CCDC30: variants seen among roughly 807,000 people sequenced by gnomAD.
The protein encoded by CCDC30 is coiled-coil domain containing 30, also known as coiled-coil domain-containing protein 30.
CCDC30 carries 70 observed loss-of-function variants against 100.2 expected under a neutral mutation model. The ratio of observed to expected loss-of-function variants is 0.70; its 90% CI spans 0.58 to 0.85. The LOEUF (loss-of-function observed/expected upper bound fraction) is 0.85. Among genes scored for constraint, CCDC30 ranks in the 40% least tolerant of loss-of-function variants. CCDC30 has a pLI of 0.00. For missense variants in CCDC30, 652 were observed against 771.2 expected, an observed-to-expected ratio of 0.85 and a Z score of 1.83; for synonymous variants, 233 against 269.5, an observed-to-expected ratio of 0.86 and a Z score of 1.33.
Position 42,480,485 on chromosome 1 carries a change from A to G in CCDC30, c.-67A>G, listed in dbSNP as rs1643940125. The G allele has an allele frequency of 4.3e-6, 1 of 230,990 alleles. No homozygotes were observed. Among genetic ancestry groups the G allele is most frequent in the Non-Finnish European group, 7.1e-6 (1 of 140,016 alleles). 14.3% of individuals were successfully genotyped at this position (230,990 alleles called of 1,614,324 possible). On this transcript the variant is annotated 5_prime_UTR_variant, in exon 2 of 17. An upstream start codon of the reference 5' UTR is lost. Coordinates refer to ENST00000668663, the Ensembl canonical transcript of CCDC30. ...GGTTGGAGTGCTGGAGTGCAGTAGC[A>G]TGATCTCCGTTCACTGCAGCCTCAA...
intron 7 of CCDC30, among the ~76,000 whole-genome samples, chr1:42,576,654 T>A (rs1006013235): frequency 6.6e-5 from 10 of 152,198 alleles, no homozygotes; most frequent in Admixed American, 3.9e-4. Flanking sequence ...AAGTTTGGTG[T>A]CACAGAATGC....
At chr1:42,460,971 C>G (rs866834525), upstream of CCDC30, among the ~76,000 whole-genome samples, 1 of 152,202 alleles carries the variant, frequency 6.6e-6, no homozygotes, top group Non-Finnish European at 1.5e-5. Flanking sequence ...GAAAAACTTT[C>G]AATACTTCTC....
chr1:42,458,874 A>T (rs1643319472), upstream of CCDC30, among the ~76,000 whole-genome samples: 2 of 152,276 alleles, frequency 1.3e-5, no homozygotes, highest in South Asian at 4.1e-4. Context: ...CAATTTAAAA[A>T]TGGAATCTAA....
Position 42,545,948 on chromosome 1 carries a change from T to TTAA in CCDC30, c.457-20328_457-20326dup, listed in dbSNP as rs56842129. Among the ~76,000 whole-genome samples, 834 of 148,554 alleles carry TTAA rather than the reference T, an allele frequency of 5.6e-3. 8 individuals are homozygous for TTAA. Among genetic ancestry groups the TTAA allele is most frequent in the African/African-American group, 0.016 (664 of 40,530 alleles). On this transcript the variant is annotated intron_variant, in intron 6 of 16. Coordinates refer to ENST00000668663, the Ensembl canonical transcript of CCDC30. The stretch of plus-strand genomic sequence containing the variant: ...AACAGAGCTAGACCCTGTTTCAAAA[T>TTAA]TAATAATAATAATAATAATAATTTA...
chr1:42,617,254 C>T (rs368034621), intron 11 of CCDC30, among the ~76,000 whole-genome samples: 35 of 151,986 alleles, frequency 2.3e-4, no homozygotes, highest in Admixed American at 8.5e-4. Flanking sequence ...GCCTAGGGAA[C>T]GAAGTGAGAT....
chr1:42,567,983 C>T (rs763415861), intron 7 of CCDC30, among the ~76,000 whole-genome samples: 10 of 151,928 alleles, frequency 6.6e-5, no homozygotes, highest in South Asian at 4.2e-4. Flanking sequence ...CTATTTTAAT[C>T]TCCATGGTGA....
intron 6 of CCDC30, among the ~76,000 whole-genome samples, chr1:42,564,962 T>C (rs1248116684): frequency 6.6e-6 from 1 of 152,178 alleles, no homozygotes; most frequent in East Asian, 1.9e-4. Context: ...CCTGGCTTAT[T>C]TCACTTAGCA....
At chr1:42,500,413 T>A (rs1644292851) in intron 6 of CCDC30, 1 of 934,156 alleles carries the variant, frequency 1.1e-6, no homozygotes, top group African/African-American at 1.7e-5. Context: ...CACCACCGAG[T>A]TCTCTCTTTT....
the CCDC30 span, chr1:42,457,170 G>A: frequency 6.2e-7 from 1 of 1,603,020 alleles, no homozygotes; most frequent in South Asian, 1.1e-5. Context: ...ATCTCAGCTG[G>A]GGAACCCGAG....
At chr1:42,536,200 T>A (rs1569952645) in intron 6 of CCDC30, among the ~76,000 whole-genome samples, 1 of 152,178 alleles carries the variant, frequency 6.6e-6, no homozygotes, top group East Asian at 1.9e-4. Context: ...GCCTTATATT[T>A]GATAAGTGAT....
intron 1 of CCDC30, chr1:42,473,490 T>A (rs376553411): frequency 5.1e-6 from 2 of 388,674 alleles, no homozygotes; most frequent in African/African-American, 2.1e-5. Flanking sequence ...TAAGACTCCA[T>A]GTATAGGATG....
the CCDC30 span, chr1:42,456,526 G>A: frequency 7.0e-6 from 10 of 1,437,430 alleles, no homozygotes; most frequent in African/African-American, 1.2e-4. Context: ...GTGGCGCGGC[G>A]GCCGCGAAAC....
chr1:42,477,330 A>G (rs1424229119), intron 1 of CCDC30, among the ~76,000 whole-genome samples: 1 of 152,038 alleles, frequency 6.6e-6, no homozygotes, highest in African/African-American at 2.4e-5. Flanking sequence ...CCCGGCTTCA[A>G]GGGATTCTCC....
chr1:42,655,751 A>G (rs914244147), downstream of CCDC30, among the ~76,000 whole-genome samples: 11 of 152,116 alleles, frequency 7.2e-5, no homozygotes, highest in Non-Finnish European at 1.3e-4. Context: ...AGAAAAGATC[A>G]GCAACATTCA....
intron 6 of CCDC30, among the ~76,000 whole-genome samples, chr1:42,511,580 A>G (rs1274423919): frequency 1.3e-5 from 2 of 152,184 alleles, no homozygotes; most frequent in Non-Finnish European, 2.9e-5. Context: ...GGACAGTGTC[A>G]AGACTAAAAT....
chr1:42,632,328 G>A (rs1486522848), intron 11 of CCDC30, among the ~76,000 whole-genome samples: 1 of 152,106 alleles, frequency 6.6e-6, no homozygotes, highest in Non-Finnish European at 1.5e-5. Flanking sequence ...TGAGGTGGGC[G>A]TGGTGGTACA....
At chr1:42,460,335 CAT>C (rs1188434234), upstream of CCDC30, 4 of 986,936 alleles carry the variant, frequency 4.1e-6, no homozygotes, top group East Asian at 1.1e-4. Flanking sequence ...GATGAATAAA[CAT>C]ATCTTGTTTA....
chr1:42,623,956 T>G lies in CCDC30; in HGVS notation c.1277+12866T>G, dbSNP rs376996112. Among the ~76,000 whole-genome samples the G allele has an allele frequency of 8.7e-4, 132 of 152,332 alleles. 4 individuals carry two copies. The South Asian group carries it at 0.026, about 30-fold the overall frequency. On this transcript the variant is annotated intron_variant, in intron 11 of 16. Coordinates refer to ENST00000668663, the Ensembl canonical transcript of CCDC30. ...TATAGAGATCTTTCACTTTGTTGGT[T>G]AAGCTAATTCCTAGGTATTTAATTT... is the stretch of plus-strand genomic sequence containing the variant.
intron 2 of CCDC30, among the ~76,000 whole-genome samples, chr1:42,481,752 G>A (rs1311715036): frequency 6.6e-6 from 1 of 152,058 alleles, no homozygotes; most frequent in East Asian, 1.9e-4. Context: ...TTATTAAAAG[G>A]TAAGTCTGGT....
Sources: gnomAD v4.1 joint callset for allele counts (sites outside exome capture counted in the v4.1 genomes callset) on GRCh38, gnomAD v4.1.1 for gene constraint, MANE v1.5 for transcripts, NCBI Gene and HGNC (gene_info 2026-07-23, HGNC 2026-07-21) for gene names.